The following GTPBP4 variants were observed in gnomAD, a reference collection of about 807,000 sequenced individuals.
GTPBP4 encodes the protein GTP binding protein 4.
Under a neutral mutation model 81.7 loss-of-function variants are expected in GTPBP4, and 15 were observed. The observed-to-expected ratio is 0.18, with a 90% CI of 0.12 to 0.28. GTPBP4 has a LOEUF of 0.28. GTPBP4 is among the 10% of genes least tolerant of loss of function. The pLI, the probability that GTPBP4 is intolerant of heterozygous loss-of-function variation, is 1.00. For synonymous variants in GTPBP4, 272 were observed against 274.6 expected (o/e 0.99, Z 0.09); for missense variants, 847 against 793.8 (o/e 1.07, Z -0.81).
In GTPBP4 at chr10:1,019,058, T is replaced by TA. The variant is rs1018266227; in HGVS notation, c.*1836dup. On this transcript the variant is annotated 3_prime_UTR_variant, in exon 17 of 17. Coordinates refer to ENST00000360803, the MANE Select transcript of GTPBP4 (RefSeq NM_012341.3). ...TGCAAGATTGAATGTGTCTTTTTTT[T>TA]AAAAATGCAGCCTTGTGTTGCACTC... 8.3e-5 allele frequency: 13 copies of TA among 157,214 alleles called. No individual in the cohort carries two copies. Among genetic ancestry groups the TA allele is most frequent in the Non-Finnish European group, 1.7e-4 (12 of 71,314 alleles). The allele number at this position is 157,214 out of a possible 1,614,324, so 9.7% of individuals were successfully genotyped here.
intron 2 of GTPBP4, 36 bp from the exon 3 acceptor site, chr10:995,893 C>A: frequency 8.0e-7 from 1 of 1,244,454 alleles, no homozygotes; most frequent in African/African-American, 1.5e-5. Flanking sequence ...AAACTGCTGG[C>A]CCCAAGTGAC....
chr10:1,012,246 G>A (rs1831891047), intron 13 of GTPBP4, among the ~76,000 whole-genome samples: 1 of 152,172 alleles, frequency 6.6e-6, no homozygotes, highest in Non-Finnish European at 1.5e-5. Flanking sequence ...AGGGGTTACT[G>A]ACTTGCTGGC....
intron 8 of GTPBP4, among the ~76,000 whole-genome samples, chr10:1,005,051 C>T (rs1831700797): frequency 1.3e-5 from 2 of 152,168 alleles, no homozygotes; most frequent in Admixed American, 6.5e-5. Context: ...CTCTTGCTTA[C>T]CCCCTCACCG....
intron 8 of GTPBP4, among the ~76,000 whole-genome samples, chr10:1,003,392 C>G (rs1338405770): frequency 1.3e-5 from 2 of 152,150 alleles, no homozygotes; most frequent in African/African-American, 4.8e-5. Flanking sequence ...TCTGGCAATT[C>G]ATTGATTTCC....
chr10:995,047 G>T (rs1353596964), intron 2 of GTPBP4, among the ~76,000 whole-genome samples: 4 of 152,208 alleles, frequency 2.6e-5, no homozygotes, highest in Admixed American at 2.6e-4. Flanking sequence ...GCAGGCTAGG[G>T]AGGTGAACAC....
intron 1 of GTPBP4, among the ~76,000 whole-genome samples, chr10:991,183 C>T (rs1831435135): frequency 6.6e-6 from 1 of 152,184 alleles, no homozygotes; most frequent in African/African-American, 2.4e-5. Context: ...TGTGTTGTGC[C>T]CACCTGTTTA....
chr10:1,008,760 A>G (rs1352752052), intron 10 of GTPBP4, among the ~76,000 whole-genome samples, 198 bp from the exon 11 acceptor site: 2 of 151,800 alleles, frequency 1.3e-5, no homozygotes, highest in Admixed American at 1.3e-4. Flanking sequence ...CCTCTCCCCT[A>G]AAATAATCTG....
rs748991849 is a variant in GTPBP4 at position 996,253 on chromosome 10, C to T, written c.460+11C>T. ...AGTATTTGGAGCAAGGTGCTTGTCA[C>T]GCATCCGCGGGAACCGTGCTAGCAT... On this transcript the variant is annotated intron_variant, in intron 4 of 16. Transcript: ENST00000360803. The T allele has an allele frequency of 6.2e-6, 10 of 1,607,850 alleles. No individual in the cohort carries two copies. Among genetic ancestry groups the T allele is most frequent in the Middle Eastern group, 1.7e-4 (1 of 6,054 alleles).
intron 15 of GTPBP4, among the ~76,000 whole-genome samples, chr10:1,015,288 T>C (rs1259872763): frequency 3.9e-5 from 6 of 152,200 alleles, no homozygotes; most frequent in South Asian, 2.1e-4. Flanking sequence ...CTTTAGCCCA[T>C]GTGTTAATGG....
chr10:1,007,766 C>T, intron 10 of GTPBP4: 1 of 401,158 alleles, frequency 2.5e-6, no homozygotes, highest in South Asian at 1.9e-5. Context: ...TCTGTCTTTC[C>T]TTGTGTCCTC....
At chr10:997,632 G>GA (rs370070532) in intron 5 of GTPBP4, among the ~76,000 whole-genome samples, 16 of 152,216 alleles carry the variant, frequency 1.1e-4, no homozygotes, top group African/African-American at 3.6e-4. Flanking sequence ...AATTTCTAAG[G>GA]AATTTGAGAC....
chr10:1,010,250 G>T (rs1227903857), intron 12 of GTPBP4, among the ~76,000 whole-genome samples, 170 bp from the exon 13 acceptor site: 1 of 151,898 alleles, frequency 6.6e-6, no homozygotes, highest in South Asian at 2.1e-4. Context: ...TCCACGTGTG[G>T]GTGTTGAATG....
At chr10:994,548 G>T (rs1831505617) in intron 2 of GTPBP4, among the ~76,000 whole-genome samples, 1 of 152,206 alleles carries the variant, frequency 6.6e-6, no homozygotes, top group Admixed American at 6.5e-5. Flanking sequence ...TGGGATTACA[G>T]ACATAAGCCA....
At chr10:991,420 T>C (rs1216349617) in intron 1 of GTPBP4, among the ~76,000 whole-genome samples, 1 of 152,252 alleles carries the variant, frequency 6.6e-6, no homozygotes, top group Non-Finnish European at 1.5e-5. Context: ...AAGTGCTGAC[T>C]CTTTGCACTG....
At chr10:991,223 A>G (rs1831435780) in intron 1 of GTPBP4, among the ~76,000 whole-genome samples, 1 of 152,248 alleles carries the variant, frequency 6.6e-6, no homozygotes, top group Non-Finnish European at 1.5e-5. Flanking sequence ...AATTCCGTGA[A>G]GGAAGGGACA....
At chr10:1,011,788 C>A (rs1831879927) in intron 13 of GTPBP4, among the ~76,000 whole-genome samples, 1 of 152,216 alleles carries the variant, frequency 6.6e-6, no homozygotes, top group Admixed American at 6.5e-5. Context: ...CAGCCCGTGC[C>A]CTCACTGTCC....
Position 992,528 on chromosome 10 carries a change from A to G in GTPBP4, c.88A>G (p.Thr30Ala). 1.2e-6 allele frequency: 2 copies of G among 1,606,382 alleles called. No homozygotes were observed. The highest frequency in any genetic ancestry group is 1.7e-6 in the Non-Finnish European group (2 of 1,173,272). Residue 30 changes from threonine to alanine, a missense_variant, in exon 2 of 17, where the codon ACT becomes GCT. Transcript: ENST00000360803. ...DLTLSKTQRK[T>A]PTVIHKHYQI... ...CACGTTGTCGAAGACTCAACGAAAGACTCCAACCGTTATTCATAAACATTA... is the reference window on the plus strand; with the variant it reads ...CACGTTGTCGAAGACTCAACGAAAGGCTCCAACCGTTATTCATAAACATTA...
Position 1,000,849 on chromosome 10 carries a change from G to A in GTPBP4, c.827G>A (p.Arg276Lys). The A allele has an allele frequency of 1.2e-6, 2 of 1,611,010 alleles. No individual in the cohort carries two copies. Among genetic ancestry groups the A allele is most frequent in the Non-Finnish European group, 1.7e-6 (2 of 1,178,142 alleles). The change falls in exon 7 of 17, where the codon AGA becomes AAA. Residue 276 changes from arginine (R) to lysine (K), a missense_variant. By Grantham distance (26) the Arg-to-Lys change is conservative. This residue lies in a region of GTPBP4 where 600 missense variants were observed against 557.1 expected (regional missense o/e 1.08). Transcript: ENST00000360803. Reference protein sequence around the residue: ...REQLELFQNIRPLFINKPLIV... With the variant: ...REQLELFQNIKPLFINKPLIV... ...CAGCTAGAACTCTTCCAGAACATCA[G>A]ACCTCTCTTCATCAACAAGGTGTGT...
At chr10:992,885 A>G (rs1297925813) in intron 2 of GTPBP4, among the ~76,000 whole-genome samples, 1 of 152,232 alleles carries the variant, frequency 6.6e-6, no homozygotes, top group Non-Finnish European at 1.5e-5. Context: ...ACCAAAACCC[A>G]TCTAAGGAGG....
Sources: gnomAD v4.1 joint callset for allele counts (sites outside exome capture counted in the v4.1 genomes callset) on GRCh38, gnomAD v4.1.1 for gene constraint, gnomAD v4.1.1 regional missense constraint, MANE v1.5 for transcripts, NCBI Gene and HGNC (gene_info 2026-07-23, HGNC 2026-07-21) for gene names.